The following SLC14A2 variants were observed in gnomAD, a reference collection of about 807,000 sequenced individuals.
SLC14A2 encodes urea transporter 2.
A neutral mutation model predicts 104.6 loss-of-function variants in SLC14A2; 91 were observed. The observed-to-expected ratio is 0.87, with a 90% CI of 0.73 to 1.04. SLC14A2 has a LOEUF of 1.04. SLC14A2 is among the 50% of genes least tolerant of loss of function. The probability of loss-of-function intolerance (pLI) is 0.00; values close to 1 mark genes in which losing one functional copy is unlikely to be tolerated. For missense variants in SLC14A2, 1,189 were observed against 1,156.0 expected, an observed-to-expected ratio of 1.03 and a Z score of -0.41; for synonymous variants, 476 against 466.4, an observed-to-expected ratio of 1.02 and a Z score of -0.27.
At chr18:45,314,724 A>G (rs1022238955) in intron 1 of SLC14A2, among the ~76,000 whole-genome samples, 1 of 152,248 alleles carries the variant, frequency 6.6e-6, no homozygotes, top group Non-Finnish European at 1.5e-5. Flanking sequence ...ACCTGGAGAT[A>G]AAAGAACAAA....
chr18:45,506,137 A>G (rs1481823152), intron 2 of SLC14A2, among the ~76,000 whole-genome samples: 1 of 152,188 alleles, frequency 6.6e-6, no homozygotes, highest in Non-Finnish European at 1.5e-5. Context: ...TGTCAGGTCC[A>G]GTCCTGTACC....
intron 1 of SLC14A2, among the ~76,000 whole-genome samples, chr18:45,306,452 G>A (rs1030865831): frequency 6.6e-6 from 1 of 152,174 alleles, no homozygotes; most frequent in African/African-American, 2.4e-5. Context: ...ACCGGACCCT[G>A]CCCTCGTAGC....
chr18:45,452,077 G>A (rs2086867155), intron 1 of SLC14A2, among the ~76,000 whole-genome samples: 1 of 151,800 alleles, frequency 6.6e-6, no homozygotes, highest in African/African-American at 2.4e-5. Flanking sequence ...CAGCTGGGGG[G>A]ATATCTGGTC....
the SLC14A2 span, among the ~76,000 whole-genome samples, chr18:45,179,093 G>A: frequency 6.6e-6 from 1 of 152,108 alleles, no homozygotes; most frequent in East Asian, 1.9e-4. Context: ...GTCTTCCCAA[G>A]TGACTTCTAA....
chr18:45,418,518 G>A (rs954375790), intron 1 of SLC14A2, among the ~76,000 whole-genome samples: 1 of 152,206 alleles, frequency 6.6e-6, no homozygotes, highest in African/African-American at 2.4e-5. Context: ...TCTGAGAAAA[G>A]CCAGCATTTG....
chr18:45,647,172 G>A (rs1000338342), intron 10 of SLC14A2: 1 of 152,174 alleles, frequency 6.6e-6, no homozygotes, highest in Non-Finnish European at 1.5e-5. Flanking sequence ...TAAAATGGCA[G>A]ATCTTAAATC....
At chr18:45,544,639 C>T (rs1471341493) in intron 2 of SLC14A2, among the ~76,000 whole-genome samples, 2 of 151,910 alleles carry the variant, frequency 1.3e-5, no homozygotes, top group African/African-American at 2.4e-5. Flanking sequence ...ATCTTCACTA[C>T]CCTTGGTTGT....
intron 1 of SLC14A2, among the ~76,000 whole-genome samples, chr18:45,310,902 A>G (rs2085071845): frequency 6.6e-6 from 1 of 152,208 alleles, no homozygotes; most frequent in Non-Finnish European, 1.5e-5. Context: ...CAAATAGCAC[A>G]GAGATGGCAG....
intron 1 of SLC14A2, among the ~76,000 whole-genome samples, chr18:45,381,754 G>A (rs980987714): frequency 2.0e-5 from 3 of 152,146 alleles, no homozygotes; most frequent in Non-Finnish European, 4.4e-5. Context: ...GAACAGGGTG[G>A]TGAGTGGCAC....
At chr18:45,423,566 T>C (rs1020099838) in intron 1 of SLC14A2, among the ~76,000 whole-genome samples, 2 of 152,096 alleles carry the variant, frequency 1.3e-5, no homozygotes, top group Admixed American at 6.5e-5. Context: ...ATTTTATGGG[T>C]GAAGACAATG....
chr18:45,291,075 A>G (rs1271977873), intron 1 of SLC14A2, among the ~76,000 whole-genome samples: 1 of 152,232 alleles, frequency 6.6e-6, no homozygotes, highest in Non-Finnish European at 1.5e-5. Flanking sequence ...GTTGGCAACC[A>G]GGCACTATAC....
At chr18:45,551,061 A>T (rs559258396) in intron 2 of SLC14A2, among the ~76,000 whole-genome samples, 16 of 152,302 alleles carry the variant, frequency 1.1e-4, no homozygotes, top group African/African-American at 3.8e-4. Flanking sequence ...GTAAGGAAAA[A>T]CATGGGCCTA....
intron 1 of SLC14A2, among the ~76,000 whole-genome samples, chr18:45,305,208 G>C (rs1353475778): frequency 6.6e-6 from 1 of 152,224 alleles, no homozygotes; most frequent in African/African-American, 2.4e-5. Flanking sequence ...TGGGAGACAG[G>C]ATAAGGCACA....
intron 1 of SLC14A2, among the ~76,000 whole-genome samples, chr18:45,282,407 A>T (rs916192927): frequency 6.6e-6 from 1 of 152,138 alleles, no homozygotes; most frequent in Non-Finnish European, 1.5e-5. Context: ...CTGATCTATG[A>T]TGGGCTCAGC....
intron 10 of SLC14A2, among the ~76,000 whole-genome samples, chr18:45,652,967 A>T (rs572297986): frequency 6.6e-6 from 1 of 152,152 alleles, no homozygotes; most frequent in Admixed American, 6.5e-5. Flanking sequence ...TATTGCTCAC[A>T]GGTGGCTCCC....
intron 13 of SLC14A2, 105 bp from the exon 14 acceptor site, chr18:45,667,728 T>A: frequency 1.1e-6 from 1 of 916,270 alleles, no homozygotes; most frequent in African/African-American, 1.6e-5. Flanking sequence ...GCTGGCTTCC[T>A]GCAAACCCAC....
chr18:45,172,722 C>T, the SLC14A2 span, among the ~76,000 whole-genome samples: 1 of 152,074 alleles, frequency 6.6e-6, no homozygotes, highest in African/African-American at 2.4e-5. Context: ...ACAAAGCTTA[C>T]GACAAAATCC....
chr18:45,664,086 GGGTCTCGGAGA>G (rs1353261827), intron 11 of SLC14A2, among the ~76,000 whole-genome samples, 179 bp downstream of exon 11: 4 of 152,136 alleles, frequency 2.6e-5, no homozygotes, highest in African/African-American at 7.2e-5. Context: ...GATGCCCCCT[GGGTCTCGGAGA>G]GGCTGAAGCT....
At chr18:45,200,704 G>A in the SLC14A2 span, among the ~76,000 whole-genome samples, 1 of 151,932 alleles carries the variant, frequency 6.6e-6, no homozygotes, top group African/African-American at 2.4e-5. Context: ...GAATGCCATT[G>A]TTTTCATGCA....
Sources: gnomAD v4.1 joint callset for allele counts (sites outside exome capture counted in the v4.1 genomes callset) on GRCh38, gnomAD v4.1.1 for gene constraint, MANE v1.5 for transcripts, NCBI Gene and HGNC (gene_info 2026-07-23, HGNC 2026-07-21) for gene names.